The following IL5 variants were observed in gnomAD, a reference collection of about 807,000 sequenced individuals.
The protein encoded by IL5 is interleukin-5.
Under a neutral mutation model 16.3 loss-of-function variants are expected in IL5, and 12 were observed. The ratio of observed to expected loss-of-function variants is 0.74; its 90% CI spans 0.47 to 1.20. IL5 has a LOEUF of 1.20. IL5 is among the 50% of genes most tolerant of loss of function. The probability of loss-of-function intolerance (pLI) is 0.00; values close to 1 mark genes in which losing one functional copy is unlikely to be tolerated. For synonymous variants in IL5, 54 were observed against 56.6 expected (o/e 0.95, Z 0.21); for missense variants, 159 against 153.9 (o/e 1.03, Z -0.17).
chr5:132,552,711 C>A (rs1749903489), intron 1 of IL5, among the ~76,000 whole-genome samples: 2 of 152,076 alleles, frequency 1.3e-5, no homozygotes, highest in South Asian at 4.2e-4. Flanking sequence ...AAAATATTAT[C>A]ACACCAAATA....
chr5:132,556,651 A>C, intron 1 of IL5: 1 of 1,213,844 alleles, frequency 8.2e-7, no homozygotes. Flanking sequence ...ATGAAAAGGA[A>C]AATAGTTTTG....
At chr5:132,547,150 C>A (rs1196829127), upstream of IL5, among the ~76,000 whole-genome samples, 1 of 152,112 alleles carries the variant, frequency 6.6e-6, no homozygotes, top group Non-Finnish European at 1.5e-5. Context: ...GGAACACAAC[C>A]CCCTTTCATT....
At chr5:132,551,620 C>G (rs1371991368) in intron 1 of IL5, among the ~76,000 whole-genome samples, 1 of 152,080 alleles carries the variant, frequency 6.6e-6, no homozygotes, top group African/African-American at 2.4e-5. Flanking sequence ...CCACCTCGCA[C>G]CCTGAGCTGA....
chr5:132,543,146 C>A lies in IL5; in HGVS notation c.145-20G>T, dbSNP rs199954909. The A allele has an allele frequency of 6.5e-5, 104 of 1,603,358 alleles. No homozygotes were observed. The highest frequency in any genetic ancestry group is 8.1e-5 in the Non-Finnish European group (95 of 1,171,410). ...CAGAGTCTGGAGAGGAAAGGAAATA[C>A]AATCATTTTTACAGCACACCAGCAT... On this transcript the variant is annotated intron_variant, in intron 1 of 3. Coordinates refer to ENST00000231454, the MANE Select transcript of IL5 (RefSeq NM_000879.3).
At position 132,543,363 on chromosome 5, in the gene IL5, G is replaced by A. The variant is rs566875704; in HGVS notation, c.116C>T (p.Thr39Ile). The A allele has an allele frequency of 3.1e-6, 5 of 1,614,102 alleles. No homozygotes were observed. The highest frequency in any genetic ancestry group is 4.2e-6 in the Non-Finnish European group (5 of 1,180,044). Reference protein sequence around the residue: ...LVKETLALLSTHRTLLIANET... With the variant: ...LVKETLALLSIHRTLLIANET... ...ATTGGCTATCAGCAGAGTTCGATGAGTAGAAAGCAGTGCCAAGGTCTCTTT... is the reference window on the plus strand; with the variant it reads ...ATTGGCTATCAGCAGAGTTCGATGAATAGAAAGCAGTGCCAAGGTCTCTTT... Residue 39 changes from threonine to isoleucine, a missense_variant, in exon 1 of 4, where the codon ACT (threonine) becomes ATT (isoleucine). Transcript: ENST00000231454.
chr5:132,554,272 C>A (rs543212919), intron 1 of IL5, among the ~76,000 whole-genome samples: 6 of 148,252 alleles, frequency 4.0e-5, no homozygotes, highest in South Asian at 2.1e-4. Context: ...GAGGCTGAGG[C>A]AGAAGAATCA....
upstream of IL5, among the ~76,000 whole-genome samples, chr5:132,545,918 A>AAAAC (rs573189792): frequency 2.5e-3 from 384 of 152,198 alleles, no homozygotes; most frequent in African/African-American, 8.6e-3. Flanking sequence ...AGACTGTCTC[A>AAAAC]AAACAAACAA....
upstream of IL5, chr5:132,543,743 T>C (rs559147132): frequency 1.7e-5 from 5 of 291,848 alleles, no homozygotes; most frequent in Non-Finnish European, 3.2e-5. Flanking sequence ...TTTGGGTTAA[T>C]ACATCATTGC....
intron 1 of IL5, among the ~76,000 whole-genome samples, chr5:132,550,684 A>G (rs1749870237): frequency 6.6e-6 from 1 of 152,208 alleles, no homozygotes; most frequent in African/African-American, 2.4e-5. Context: ...TCACAAAAAT[A>G]GCTTTGTTTA....
chr5:132,544,908 A>T (rs532821086), upstream of IL5, among the ~76,000 whole-genome samples: 47 of 152,262 alleles, frequency 3.1e-4, 1 homozygote, highest in South Asian at 8.9e-3. Flanking sequence ...ATACATACTC[A>T]ATCCCAGCTC....
In IL5 at chr5:132,542,010, C is replaced by T; in HGVS notation, c.306+5G>A. On this transcript the variant is annotated splice_donor_5th_base_variant and intron_variant, in intron 3 of 3. Coordinates refer to ENST00000231454, the MANE Select transcript of IL5 (RefSeq NM_000879.3). ...TATAGCTTCCATTGAATGTGTGTAA[C>T]TTACTTTTTGGCCGTCAATGTATTT... The T allele has an allele frequency of 6.2e-7, 1 of 1,613,778 alleles. No individual in the cohort carries two copies. Among genetic ancestry groups the T allele is most frequent in the Non-Finnish European group, 8.5e-7 (1 of 1,179,870 alleles).
chr5:132,549,863 C>T (rs750376990), intron 1 of IL5, among the ~76,000 whole-genome samples: 1 of 152,154 alleles, frequency 6.6e-6, no homozygotes, highest in Non-Finnish European at 1.5e-5. Context: ...TCTATCCTTT[C>T]AATCTCCCTT....
At chr5:132,547,791 G>A (rs995862818), upstream of IL5, among the ~76,000 whole-genome samples, 15 of 152,062 alleles carry the variant, frequency 9.9e-5, no homozygotes, top group Non-Finnish European at 1.5e-4. Context: ...ATACTGCGGC[G>A]AGGCATGATG....
chr5:132,553,642 T>C (rs1429886251), intron 1 of IL5, among the ~76,000 whole-genome samples: 1 of 152,210 alleles, frequency 6.6e-6, no homozygotes. Flanking sequence ...TTCATTTAAA[T>C]GGTCTTGGTG....
At chr5:132,553,727 G>T (rs1192461142) in intron 1 of IL5, among the ~76,000 whole-genome samples, 1 of 151,756 alleles carries the variant, frequency 6.6e-6, no homozygotes, top group East Asian at 1.9e-4. Flanking sequence ...GCGAGGTCAG[G>T]GGATAGAGAC....
intron 1 of IL5, among the ~76,000 whole-genome samples, chr5:132,551,618 C>A (rs1284219822): frequency 2.0e-5 from 3 of 152,156 alleles, no homozygotes; most frequent in African/African-American, 7.2e-5. Flanking sequence ...GCCCACCTCG[C>A]ACCCTGAGCT....
At position 132,556,665 on chromosome 5, in the gene IL5, C is replaced by T. The variant is rs2706335; in HGVS notation, c.42+9G>A. The T allele has an allele frequency of 0.99, 1,229,861 of 1,236,734 alleles. 611,838 individuals carry two copies. Among genetic ancestry groups the T allele is most frequent in the East Asian group, 1 (16,718 of 16,718 alleles). 76.6% of individuals were successfully genotyped at this position (1,236,734 alleles called of 1,614,324 possible). A position where few individuals can be genotyped will look rare whatever the true frequency, so the allele number is the denominator to read the frequency against. On this transcript the variant is annotated intron_variant, in intron 1 of 2. Transcript: ENST00000450655. Reference sequence around the variant, plus strand: ...AATGAAAAGGAAAATAGTTTTGACACGAACTGACCCCGCTTCCTGGGTCTC... The same window carrying T: ...AATGAAAAGGAAAATAGTTTTGACATGAACTGACCCCGCTTCCTGGGTCTC...
upstream of IL5, among the ~76,000 whole-genome samples, chr5:132,544,842 G>A (rs1749758771): frequency 6.6e-6 from 1 of 152,168 alleles, no homozygotes. Flanking sequence ...GTTTTCCAAA[G>A]CTAGGTGCAG....
intron 1 of IL5, chr5:132,555,999 G>A (rs536408304): frequency 6.6e-6 from 1 of 151,518 alleles, no homozygotes; most frequent in East Asian, 1.9e-4. Flanking sequence ...TTTTAACCTG[G>A]TACAGCAAGA....
Sources: allele counts gnomAD v4.1 joint callset (sites outside exome capture counted in the v4.1 genomes callset), GRCh38; gene constraint gnomAD v4.1.1; transcripts MANE v1.5; gene names NCBI Gene and HGNC (gene_info 2026-07-23, HGNC 2026-07-21).